PAX9: variants seen among roughly 807,000 people sequenced by gnomAD.
The protein encoded by PAX9 is paired box 9, also known as paired box protein Pax-9.
PAX9 carries 6 observed loss-of-function variants against 29.1 expected under a neutral mutation model. The ratio of observed to expected loss-of-function variants is 0.21; its 90% CI spans 0.11 to 0.41. The LOEUF (loss-of-function observed/expected upper bound fraction) is 0.41. PAX9 is among the 10% of genes least tolerant of loss of function. The probability of loss-of-function intolerance (pLI) is 1.00; values close to 1 mark genes in which losing one functional copy is unlikely to be tolerated. For synonymous variants in PAX9, 217 were observed against 211.7 expected, an observed-to-expected ratio of 1.03 and a Z score of -0.22; for missense variants, 443 against 479.1, an observed-to-expected ratio of 0.92 and a Z score of 0.70.
chr14:36,661,375 A>G (rs1231295291), upstream of PAX9, among the ~76,000 whole-genome samples: 1 of 152,214 alleles, frequency 6.6e-6, no homozygotes, highest in African/African-American at 2.4e-5. Context: ...GCCACCTGGC[A>G]TGGACTGAAG....
Position 36,676,252 on chromosome 14 carries a change from C to A in PAX9, c.826C>A (p.Pro276Thr). 6 of 1,614,152 alleles carry A rather than the reference C, an allele frequency of 3.7e-6. No homozygotes were observed. Among genetic ancestry groups the A allele is most frequent in the Non-Finnish European group, 5.1e-6 (6 of 1,180,034 alleles). Residue 276 changes from proline (P) to threonine (T), a missense_variant, in exon 4 of 4, where the codon CCT (proline) becomes ACT (threonine). Around this residue, in one of 2 missense-constraint regions of PAX9, gnomAD observed 336 missense variants for 317.2 expected, o/e 1.06. Coordinates refer to ENST00000361487, the MANE Select transcript of PAX9 (RefSeq NM_001372076.1). ...TTTTGTGTCAGCATCCAGCATGGCT[C>A]CTTACCCTACCCCAGCCCAAGTGTC... ...GSFVSASSMA[P>T]YPTPAQVSPY...
At chr14:36,664,269 T>C (rs927081265) in intron 2 of PAX9, among the ~76,000 whole-genome samples, 2 of 152,370 alleles carry the variant, frequency 1.3e-5, no homozygotes, top group Non-Finnish European at 2.9e-5. Flanking sequence ...CATCAGCCAC[T>C]GCAGTGATGG....
rs528380626 is a variant in PAX9, at chr14:36,677,234, G to T, written c.*782G>T. ...AAGGTGACTTTCTGGCAACGTCTTT[G>T]TCTCTGTTTGGTGGTGGGCTGCTCG... is the stretch of plus-strand genomic sequence containing the variant. On this transcript the variant is annotated 3_prime_UTR_variant, in exon 4 of 4. Transcript: ENST00000361487. The T allele has an allele frequency of 2.0e-5, 3 of 151,492 alleles. No individual in the cohort carries two copies. Among genetic ancestry groups the T allele is most frequent in the Non-Finnish European group, 2.9e-5 (2 of 68,078 alleles). The allele number at this position is 151,492 out of a possible 1,614,324, so 9.4% of individuals were successfully genotyped here.
In PAX9 at chr14:36,676,956, C is replaced by T. The variant is rs1881918918; in HGVS notation, c.*504C>T. On this transcript the variant is annotated 3_prime_UTR_variant, in exon 4 of 4. Transcript: ENST00000361487. ...TTTAATTCATCATTAGGAAACAAAT[C>T]AATAAGTGACTTGTTTGAGTGATCC... 1 of 174,216 alleles carries T rather than the reference C, an allele frequency of 5.7e-6. No homozygotes were observed. The highest frequency in any genetic ancestry group is 1.3e-4 in the South Asian group (1 of 7,752). The allele number at this position is 174,216 out of a possible 1,614,324, so 10.8% of individuals were successfully genotyped here. A position where few individuals can be genotyped will look rare whatever the true frequency, so the allele number is the denominator to read the frequency against.
intron 3 of PAX9, among the ~76,000 whole-genome samples, chr14:36,669,016 T>A (rs1044435879): frequency 2.0e-4 from 30 of 152,188 alleles, no homozygotes; most frequent in African/African-American, 5.8e-4. Flanking sequence ...AATTGCAATA[T>A]GCTAATCTTC....
At chr14:36,658,899 C>A (rs1881145788), upstream of PAX9, 1 of 152,360 alleles carries the variant, frequency 6.6e-6, no homozygotes, top group Admixed American at 6.5e-5. Flanking sequence ...GAGTCCCCGG[C>A]CCCTGCTCCC....
At chr14:36,661,584 A>C (rs1482982666), upstream of PAX9, 1 of 186,730 alleles carries the variant, frequency 5.4e-6, no homozygotes, top group East Asian at 1.4e-4. Flanking sequence ...CGAGTCATTC[A>C]CATTCAGACC....
In PAX9 at chr14:36,677,739, A is replaced by T. The variant is rs760390621; in HGVS notation, c.*1287A>T. On this transcript the variant is annotated 3_prime_UTR_variant, in exon 4 of 4. Coordinates refer to ENST00000361487, the MANE Select transcript of PAX9 (RefSeq NM_001372076.1). ...AACTGGTGGTGGTACTAGAAATACA[A>T]TGTTATTTAATTTTAACAAATTCCC... 1 of 152,236 alleles carries T rather than the reference A, an allele frequency of 6.6e-6. No homozygotes were observed. Among genetic ancestry groups the T allele is most frequent in the Non-Finnish European group, 1.5e-5 (1 of 68,050 alleles). 9.4% of individuals were successfully genotyped at this position (152,236 alleles called of 1,614,324 possible).
In PAX9 at chr14:36,663,015, C is replaced by T. The variant is rs1479507664; in HGVS notation, c.123C>T (p.Asp41=). Residue 41 remains aspartate (D), a synonymous_variant, in exon 2 of 4, where the codon GAC becomes GAT. Coordinates refer to ENST00000361487, the MANE Select transcript of PAX9 (RefSeq NM_001372076.1). ...CCCAACTGGGCATCCGACCGTGTGA[C>T]ATCAGCCGCCAGCTACGGGTCTCGC... is the stretch of plus-strand genomic sequence containing the variant. ...ELAQLGIRPC[D]ISRQLRVSHG... The T allele has an allele frequency of 1.2e-6, 2 of 1,613,800 alleles. No individual in the cohort carries two copies. The highest frequency in any genetic ancestry group is 1.7e-5 in the Admixed American group (1 of 60,032).
At chr14:36,663,859 C>T (rs895653039) in intron 2 of PAX9, among the ~76,000 whole-genome samples, 1 of 152,206 alleles carries the variant, frequency 6.6e-6, no homozygotes, top group South Asian at 2.1e-4. Flanking sequence ...AGAGTGCGGC[C>T]GGGGCTGGAC....
intron 2 of PAX9, among the ~76,000 whole-genome samples, chr14:36,665,566 C>T (rs1881458805): frequency 6.6e-6 from 1 of 152,064 alleles, no homozygotes; most frequent in East Asian, 1.9e-4. Flanking sequence ...ATTCTCAACC[C>T]CAGGTATTAT....
At chr14:36,667,090 G>T (rs899447734) in intron 3 of PAX9, among the ~76,000 whole-genome samples, 1 of 152,156 alleles carries the variant, frequency 6.6e-6, no homozygotes. Flanking sequence ...GGGTCCTCAC[G>T]TTCGGACTTT....
intron 3 of PAX9, among the ~76,000 whole-genome samples, chr14:36,675,862 AGATTCT>A (rs1881866220): frequency 6.6e-6 from 1 of 152,242 alleles, no homozygotes; most frequent in South Asian, 2.1e-4. Context: ...ACAGCCGAAC[AGATTCT>A]AAGAGTATTT....
chr14:36,672,804 C>T (rs1239671501), intron 3 of PAX9, among the ~76,000 whole-genome samples: 3 of 133,056 alleles, frequency 2.3e-5, no homozygotes, highest in African/African-American at 8.4e-5. Flanking sequence ...TTTAAGCAAA[C>T]GTTTTAGCCT....
At position 36,676,800 on chromosome 14, in the gene PAX9, GTATATTTATTC is replaced by G; in HGVS notation, c.*351_*361del. On this transcript the variant is annotated 3_prime_UTR_variant, in exon 4 of 4. Coordinates refer to ENST00000361487, the MANE Select transcript of PAX9 (RefSeq NM_001372076.1). ...ACTAGTCTTTGGTAAAACCACATGT[GTATATTTATTC>G]TAAATCAACCTGAACTTTTGAAATG... The G allele has an allele frequency of 3.2e-6, 1 of 310,596 alleles. No homozygotes were observed. Among genetic ancestry groups the G allele is most frequent in the South Asian group, 3.6e-5 (1 of 28,088 alleles). 19.2% of individuals were successfully genotyped at this position (310,596 alleles called of 1,614,324 possible). A position where few individuals can be genotyped will look rare whatever the true frequency, so the allele number is the denominator to read the frequency against.
intron 3 of PAX9, among the ~76,000 whole-genome samples, chr14:36,667,321 C>A (rs1275172852): frequency 6.6e-6 from 1 of 151,944 alleles, no homozygotes; most frequent in African/African-American, 2.4e-5. Flanking sequence ...TTAAAACACT[C>A]GTGTTTTTAT....
upstream of PAX9, among the ~76,000 whole-genome samples, chr14:36,659,081 G>A (rs1255080605): frequency 6.6e-6 from 1 of 152,246 alleles, no homozygotes; most frequent in Non-Finnish European, 1.5e-5. Flanking sequence ...CTAGGGAAAG[G>A]CTTTTTGGCT....
upstream of PAX9, among the ~76,000 whole-genome samples, chr14:36,658,387 C>T (rs1881119666): frequency 6.8e-6 from 1 of 146,218 alleles, no homozygotes; most frequent in Non-Finnish European, 1.5e-5. Flanking sequence ...GGGGGGGGGT[C>T]CTGTCCCCAG....
At chr14:36,669,610 G>A (rs1220309769) in intron 3 of PAX9, among the ~76,000 whole-genome samples, 1 of 151,990 alleles carries the variant, frequency 6.6e-6, no homozygotes, top group African/African-American at 2.4e-5. Flanking sequence ...ATTACCAAAG[G>A]GCTAAACTAT....
Sources: allele counts gnomAD v4.1 joint callset (sites outside exome capture counted in the v4.1 genomes callset), GRCh38; gene constraint gnomAD v4.1.1; regional missense constraint gnomAD v4.1.1; transcripts MANE v1.5; gene names NCBI Gene and HGNC (gene_info 2026-07-23, HGNC 2026-07-21).